Variants in STK32B observed in about 807,000 individuals in gnomAD.
The protein encoded by STK32B is serine/threonine-protein kinase 32B.
STK32B carries 43 observed loss-of-function variants against 52.6 expected under a neutral mutation model. The ratio of observed to expected loss-of-function variants is 0.82; its 90% CI spans 0.64 to 1.05. The LOEUF is 1.05. Among genes scored for constraint, STK32B ranks in the 50% least tolerant of loss-of-function variants. The probability of loss-of-function intolerance (pLI) is 0.00; values close to 1 mark genes in which losing one functional copy is unlikely to be tolerated. For synonymous variants in STK32B, 238 were observed against 204.3 expected, an observed-to-expected ratio of 1.17 and a Z score of -1.41; for missense variants, 621 against 534.6, an observed-to-expected ratio of 1.16 and a Z score of -1.59.
intron 4 of STK32B, among the ~76,000 whole-genome samples, chr4:5,389,678 G>A (rs1380143980): frequency 1.3e-5 from 2 of 152,124 alleles, no homozygotes; most frequent in African/African-American, 4.8e-5. Flanking sequence ...GGAGGAACAC[G>A]ATTCAATCCA....
intron 2 of STK32B, among the ~76,000 whole-genome samples, chr4:5,167,064 C>T (rs73797112): frequency 0.011 from 1,604 of 152,260 alleles, 27 homozygotes; most frequent in African/African-American, 0.037. Flanking sequence ...GGCTCCACGC[C>T]CTCCGTTACA....
At chr4:5,462,175 CTGTA>C (rs1333239309) in intron 9 of STK32B, among the ~76,000 whole-genome samples, 1 of 151,008 alleles carries the variant, frequency 6.6e-6, no homozygotes, top group African/African-American at 2.4e-5. Context: ...GTCTGTACGT[CTGTA>C]TGTCTGTGTG....
chr4:5,440,932 G>C (rs1002898127), intron 6 of STK32B, among the ~76,000 whole-genome samples: 1 of 150,402 alleles, frequency 6.6e-6, no homozygotes, highest in African/African-American at 2.4e-5. Context: ...TATTGAACCA[G>C]CCTTGCATCC....
intron 4 of STK32B, among the ~76,000 whole-genome samples, chr4:5,390,020 G>A (rs1736501877): frequency 6.6e-6 from 1 of 152,212 alleles, no homozygotes; most frequent in African/African-American, 2.4e-5. Flanking sequence ...AAAGAACAGA[G>A]CTCCTCTGTG....
intron 3 of STK32B, among the ~76,000 whole-genome samples, chr4:5,173,272 T>G (rs1264576346): frequency 6.6e-6 from 1 of 152,182 alleles, no homozygotes; most frequent in Non-Finnish European, 1.5e-5. Flanking sequence ...ATTCATTGAT[T>G]TTTTGAAGGT....
At chr4:5,330,990 T>C (rs890686368) in intron 3 of STK32B, among the ~76,000 whole-genome samples, 1 of 152,136 alleles carries the variant, frequency 6.6e-6, no homozygotes, top group Non-Finnish European at 1.5e-5. Flanking sequence ...TGCTGGGTAC[T>C]CCTGCTTGCC....
In STK32B at chr4:5,378,436, A is replaced by G. The variant is rs975645652; in HGVS notation, c.435-19771A>G. Among the ~76,000 whole-genome samples, 5 of 152,050 alleles carry G rather than the reference A, an allele frequency of 3.3e-5. No homozygotes were observed. The highest frequency in any genetic ancestry group is 9.7e-5 in the African/African-American group (4 of 41,406). ...GCATTTTATTTTATTTTTTTCCTTT[A>G]TGACGTGAGTTAAATCATTTACAAT... On this transcript the variant is annotated intron_variant, in intron 4 of 11. Transcript: ENST00000282908. The surrounding 1 kb of genome is among the most constrained non-coding windows in gnomAD (Gnocchi z 4.4).
intron 8 of STK32B, chr4:5,458,831 C>G (rs1045739059): frequency 2.6e-5 from 4 of 152,156 alleles, no homozygotes; most frequent in African/African-American, 7.2e-5. Context: ...CCGAAGCAAC[C>G]CTGGCAATCA....
At chr4:5,258,632 C>G (rs1394053771) in intron 3 of STK32B, among the ~76,000 whole-genome samples, 1 of 152,188 alleles carries the variant, frequency 6.6e-6, no homozygotes, top group African/African-American at 2.4e-5. Context: ...GAAATCTTGT[C>G]TCCTCCTTCA....
intron 6 of STK32B, among the ~76,000 whole-genome samples, chr4:5,424,652 T>C (rs1712931945): frequency 6.6e-6 from 1 of 152,248 alleles, no homozygotes; most frequent in Admixed American, 6.5e-5. Flanking sequence ...AGCTGTACTG[T>C]AGCTCAATAA....
chr4:5,224,499 C>T (rs1419054391), intron 3 of STK32B, among the ~76,000 whole-genome samples: 1 of 152,200 alleles, frequency 6.6e-6, no homozygotes, highest in Non-Finnish European at 1.5e-5. Context: ...AGAAGTGACT[C>T]ACTGTCCCCA....
At chr4:5,448,966 C>T (rs979674348) in intron 7 of STK32B, among the ~76,000 whole-genome samples, 4 of 152,188 alleles carry the variant, frequency 2.6e-5, no homozygotes, top group African/African-American at 9.6e-5. Flanking sequence ...GTTATCCCCC[C>T]TCTTGGAATT....
At chr4:5,223,856 TA>T (rs1723695755) in intron 3 of STK32B, among the ~76,000 whole-genome samples, 1 of 152,078 alleles carries the variant, frequency 6.6e-6, no homozygotes, top group East Asian at 1.9e-4. Context: ...TCTCCAACTT[TA>T]AGACTTAATG....
chr4:5,291,059 A>AT (rs1728865909), intron 3 of STK32B, among the ~76,000 whole-genome samples: 1 of 152,056 alleles, frequency 6.6e-6, no homozygotes, highest in African/African-American at 2.4e-5. Context: ...TCCTATCCTT[A>AT]TTTATGCCAA....
At chr4:5,346,569 G>A (rs190733536) in intron 4 of STK32B, among the ~76,000 whole-genome samples, 3 of 152,292 alleles carry the variant, frequency 2.0e-5, no homozygotes, top group Admixed American at 6.5e-5. Flanking sequence ...CCTGTGTGTA[G>A]ACAGGGTCCA....
intron 3 of STK32B, among the ~76,000 whole-genome samples, chr4:5,300,590 G>C: frequency 6.6e-6 from 1 of 151,988 alleles, no homozygotes; most frequent in South Asian, 2.1e-4. Context: ...AATGTTTCAG[G>C]ATACAAAATA....
intron 1 of STK32B, among the ~76,000 whole-genome samples, chr4:5,124,730 G>T (rs964998976): frequency 6.6e-6 from 1 of 152,174 alleles, no homozygotes; most frequent in African/African-American, 2.4e-5. Flanking sequence ...CTGTATGCAT[G>T]TGTGTATGTG....
intron 3 of STK32B, among the ~76,000 whole-genome samples, chr4:5,216,384 G>A (rs903006210): frequency 2.6e-5 from 4 of 152,136 alleles, no homozygotes; most frequent in African/African-American, 9.7e-5. Context: ...TGGAGCGTAT[G>A]GTCCAGTGGA....
chr4:5,445,936 C>G (rs1426029939), intron 6 of STK32B, among the ~76,000 whole-genome samples: 4 of 66,890 alleles, frequency 6.0e-5, no homozygotes, highest in Non-Finnish European at 1.1e-4. Flanking sequence ...ATAGTTGTCC[C>G]TGAGATAGGC....
Sources: gnomAD v4.1 joint callset for allele counts (sites outside exome capture counted in the v4.1 genomes callset) on GRCh38, gnomAD v4.1.1 for gene constraint, Gnocchi (gnomAD v3.1) non-coding constraint, MANE v1.5 for transcripts, NCBI Gene and HGNC (gene_info 2026-07-23, HGNC 2026-07-21) for gene names.